The following B3GALT1 variants were observed in gnomAD, a reference collection of about 807,000 sequenced individuals.
B3GALT1 encodes beta-1,3-galactosyltransferase 1.
A neutral mutation model predicts 23.2 loss-of-function variants in B3GALT1; 10 were observed. The observed-to-expected ratio is 0.43, with a 90% confidence interval of 0.27 to 0.73. The LOEUF is 0.73. Among genes scored for constraint, B3GALT1 ranks in the 30% least tolerant of loss-of-function variants. The pLI is 0.21. For missense variants in B3GALT1, 299 were observed against 405.4 expected, an observed-to-expected ratio of 0.74 and a Z score of 2.25; for synonymous variants, 156 against 141.5, an observed-to-expected ratio of 1.10 and a Z score of -0.73.
chr2:167,716,227 C>G (rs1186840679), intron 3 of B3GALT1, among the ~76,000 whole-genome samples: 2 of 152,232 alleles, frequency 1.3e-5, no homozygotes, highest in Non-Finnish European at 2.9e-5. Context: ...GCGGGCACCC[C>G]CCACAGGCCT....
intron 3 of B3GALT1, among the ~76,000 whole-genome samples, chr2:167,654,943 G>A (rs1685932604): frequency 6.6e-6 from 1 of 151,978 alleles, no homozygotes; most frequent in Admixed American, 6.6e-5. Context: ...GGAGGATAAT[G>A]AAGGCCCATG....
At chr2:167,781,087 C>A (rs1211219486) in intron 3 of B3GALT1, among the ~76,000 whole-genome samples, 1 of 152,132 alleles carries the variant, frequency 6.6e-6, no homozygotes, top group Non-Finnish European at 1.5e-5. Context: ...AGGAAGAACA[C>A]CCCTCAGAAT....
At chr2:167,342,162 G>C (rs896267710) in intron 1 of B3GALT1, among the ~76,000 whole-genome samples, 6 of 152,076 alleles carry the variant, frequency 3.9e-5, no homozygotes, top group Non-Finnish European at 7.3e-5. Flanking sequence ...AAAATCTAAG[G>C]CTCCATGGGG....
At chr2:167,377,872 G>C (rs1697789681) in intron 1 of B3GALT1, among the ~76,000 whole-genome samples, 1 of 152,138 alleles carries the variant, frequency 6.6e-6, no homozygotes, top group Non-Finnish European at 1.5e-5. Flanking sequence ...GAAGTTGTTA[G>C]TTGGCTGCTA....
chr2:167,797,013 C>T (rs1444511406), intron 3 of B3GALT1, among the ~76,000 whole-genome samples: 1 of 152,046 alleles, frequency 6.6e-6, no homozygotes, highest in Non-Finnish European at 1.5e-5. Flanking sequence ...ATGTGCAGGA[C>T]GTGCAGGTTT....
intron 1 of B3GALT1, among the ~76,000 whole-genome samples, chr2:167,414,283 G>T (rs989923327): frequency 6.6e-6 from 1 of 152,104 alleles, no homozygotes; most frequent in Admixed American, 6.5e-5. Flanking sequence ...TATTAACTTT[G>T]AATCAGGAAA....
At chr2:167,319,914 A>G (rs1348084405) in intron 1 of B3GALT1, among the ~76,000 whole-genome samples, 1 of 152,046 alleles carries the variant, frequency 6.6e-6, no homozygotes, top group Non-Finnish European at 1.5e-5. Flanking sequence ...CTCAGTAGTT[A>G]AGTGACTTGG....
At chr2:167,853,317 G>A (rs1327463637) in intron 4 of B3GALT1, among the ~76,000 whole-genome samples, 1 of 152,088 alleles carries the variant, frequency 6.6e-6, no homozygotes, top group Non-Finnish European at 1.5e-5. Context: ...AGCATTGAAT[G>A]TCTCTCCCCC....
chr2:167,464,022 C>T (rs141025752), intron 1 of B3GALT1, among the ~76,000 whole-genome samples: 1 of 152,102 alleles, frequency 6.6e-6, no homozygotes, highest in Non-Finnish European at 1.5e-5. Context: ...TTACTCAGGT[C>T]TGAGAAACTA....
intron 1 of B3GALT1, among the ~76,000 whole-genome samples, chr2:167,356,437 A>G (rs1437861986): frequency 6.6e-6 from 1 of 152,158 alleles, no homozygotes; most frequent in African/African-American, 2.4e-5. Flanking sequence ...TTCATAGTAG[A>G]CAAAAGTGTA....
In B3GALT1 at chr2:167,869,873, T is replaced by A. The variant is rs1690308445; in HGVS notation, c.834T>A (p.His278Gln). 2.5e-6 allele frequency: 4 copies of A among 1,614,078 alleles called. No individual in the cohort carries two copies. The Admixed American group carries it at 6.7e-5, about 27-fold the overall frequency. The change falls in exon 5 of 5, where the codon CAT becomes CAA. Residue 278 changes from histidine to glutamine, a missense_variant. Physicochemically the swap from His to Gln is conservative, Grantham distance 24 (BLOSUM62 0). This residue lies in a region of B3GALT1 where 133 missense variants were observed against 204.8 expected (regional missense o/e 0.65). Transcript: ENST00000392690. This position sits in a 1 kb window ranked among gnomAD's most constrained non-coding sequence, Gnocchi z 6.4. ...TGTGTCTTCGAAAGCTGGGCATACA[T>A]CCTTTCCAGAACAGTGGCTTCAATC... is the stretch of plus-strand genomic sequence containing the variant. Reference protein sequence around the residue: ...VGLCLRKLGIHPFQNSGFNHW... With the variant: ...VGLCLRKLGIQPFQNSGFNHW...
At position 167,825,477 on chromosome 2, in the gene B3GALT1, TTATATATAAATTATATA is replaced by T. The variant is rs1044679605; in HGVS notation, c.-230+6704_-230+6720del. On this transcript the variant is annotated intron_variant, in intron 4 of 4. Transcript: ENST00000392690. Reference sequence around the variant, plus strand: ...GTGTGCGTGCACGTGTGTGTGTGTGTTATATATAAATTATATATATATATAAATTATATATACATATA... The same window carrying T: ...GTGTGCGTGCACGTGTGTGTGTGTGTTATATATAAATTATATATACATATA... Among the ~76,000 whole-genome samples, 115 of 146,404 alleles carry T rather than the reference TTATATATAAATTATATA, an allele frequency of 7.9e-4. 1 individual carries two copies. The highest frequency in any genetic ancestry group is 8.4e-4 in the South Asian group (4 of 4,758).
chr2:167,804,316 GT>G (rs1187420648), intron 3 of B3GALT1, among the ~76,000 whole-genome samples: 3 of 136,788 alleles, frequency 2.2e-5, no homozygotes, highest in African/African-American at 9.6e-5. Flanking sequence ...GTTTTGTTTT[GT>G]TTTTTTCTTT....
chr2:167,551,288 A>G (rs1683739123), intron 2 of B3GALT1, among the ~76,000 whole-genome samples: 1 of 152,226 alleles, frequency 6.6e-6, no homozygotes, highest in Admixed American at 6.5e-5. Flanking sequence ...TAAAAAGGTG[A>G]AGATAAATAA....
Position 167,822,115 on chromosome 2 carries a change from C to CT in B3GALT1, c.-230+3323dup, listed in dbSNP as rs150343988. 9.7e-3 allele frequency among the ~76,000 whole-genome samples: 1,481 copies of CT among 152,248 alleles called. 30 individuals carry two copies. Among genetic ancestry groups the CT allele is most frequent in the African/African-American group, 0.034 (1,412 of 41,522 alleles). On this transcript the variant is annotated intron_variant, in intron 4 of 4. Transcript: ENST00000392690. ...AAGAGGTCTTCTCCCTCTAAAAACC[C>CT]TGCTTTTTCCTCTTTATTATGTAGA...
chr2:167,840,738 G>A (rs1264606542), intron 4 of B3GALT1, among the ~76,000 whole-genome samples: 1 of 150,840 alleles, frequency 6.6e-6, no homozygotes, highest in Non-Finnish European at 1.5e-5. Flanking sequence ...TATGTTTATT[G>A]CGGCACTATT....
chr2:167,419,195 A>C (rs1698512688), intron 1 of B3GALT1, among the ~76,000 whole-genome samples: 2 of 152,230 alleles, frequency 1.3e-5, no homozygotes, highest in African/African-American at 4.8e-5. Context: ...ACTGGCAAAT[A>C]AGTACTAGAA....
At chr2:167,665,430 T>G (rs1686157774) in intron 3 of B3GALT1, among the ~76,000 whole-genome samples, 1 of 149,142 alleles carries the variant, frequency 6.7e-6, no homozygotes, top group Non-Finnish European at 1.5e-5. Flanking sequence ...TTCTCTTTTT[T>G]GGTTGTGTCT....
chr2:167,597,142 G>A (rs866579718), intron 2 of B3GALT1, among the ~76,000 whole-genome samples: 1 of 142,402 alleles, frequency 7.0e-6, no homozygotes, highest in Non-Finnish European at 1.5e-5. Context: ...TTTAGATAGA[G>A]CCTCTCTCTG....
Sources: gnomAD v4.1 joint callset for allele counts (sites outside exome capture counted in the v4.1 genomes callset) on GRCh38, gnomAD v4.1.1 for gene constraint, gnomAD v4.1.1 regional missense constraint, Gnocchi (gnomAD v3.1) non-coding constraint, MANE v1.5 for transcripts, NCBI Gene and HGNC (gene_info 2026-07-23, HGNC 2026-07-21) for gene names.